Variants in SYNE1 observed in about 807,000 individuals in gnomAD.
SYNE1 encodes spectrin repeat containing nuclear envelope protein 1.
Under a neutral mutation model 1,111.0 loss-of-function variants are expected in SYNE1, and 616 were observed. The observed-to-expected ratio is 0.55, with a 90% confidence interval of 0.52 to 0.59. The LOEUF is 0.59. SYNE1 is among the 20% of genes least tolerant of loss of function. The pLI, the probability that SYNE1 is intolerant of heterozygous loss-of-function variation, is 0.00. For missense variants in SYNE1, 10,006 were observed against 10,417.0 expected (o/e 0.96, Z 1.72); for synonymous variants, 3,855 against 3,825.8 (o/e 1.01, Z -0.28).
rs771840766 is a variant in SYNE1, at chr6:152,318,248, A to T, written c.16405T>A (p.Leu5469Ile). 18 of 1,614,058 alleles carry T rather than the reference A, an allele frequency of 1.1e-5. No individual in the cohort carries two copies. The African/African-American group carries it at 2.4e-4, about 22-fold the overall frequency. Residue 5469 changes from leucine to isoleucine, a missense_variant, in exon 86 of 146, where the codon TTA becomes ATA. Transcript: ENST00000367255. ...KTDQKVLGEELDGCNSKLMEL... is the reference protein window; with the variant it reads ...KTDQKVLGEEIDGCNSKLMEL... Reference sequence around the variant, plus strand: ...ATTAACTTTGAATTACAGCCATCTAATTCCTCTCCCAGCACCTTGATGGTC... The same window carrying T: ...ATTAACTTTGAATTACAGCCATCTATTTCCTCTCCCAGCACCTTGATGGTC...
At chr6:152,371,656 G>A (rs1235124447) in intron 59 of SYNE1, among the ~76,000 whole-genome samples, 3 of 87,640 alleles carry the variant, frequency 3.4e-5, no homozygotes, top group Non-Finnish European at 6.7e-5. Flanking sequence ...AGGGGAAGAG[G>A]AAGGCAGAGA....
At chr6:152,245,989 A>G (rs924023572) in intron 105 of SYNE1, among the ~76,000 whole-genome samples, 7 of 152,138 alleles carry the variant, frequency 4.6e-5, no homozygotes, top group African/African-American at 1.7e-4. Flanking sequence ...GGGGCCCCTG[A>G]GTCTTCTCTC....
At chr6:152,323,392 T>A in intron 82 of SYNE1, 86 bp downstream of exon 82, 9 of 1,578,632 alleles carry the variant, frequency 5.7e-6, no homozygotes, top group Non-Finnish European at 7.7e-6. Flanking sequence ...TGAGCCGAGA[T>A]CACACATTTG....
In SYNE1 at chr6:152,132,145, T is replaced by C; in HGVS notation, c.26071A>G (p.Ser8691Gly). Residue 8691 changes from serine to glycine, a missense_variant, in exon 144 of 146, where the codon AGC becomes GGC. Physicochemically the swap from Ser to Gly is moderately conservative, Grantham distance 56. Transcript: ENST00000367255. ...ACCGTTTTCTGTCTGTTTGGGGTGC[T>C]CCTTCCTGATGTGGGACTCACAGAC... The part of the protein sequence containing the change: ...SGSVSPTSGR[S>G]TPNRQKTPRG... 6.2e-7 allele frequency: 1 copy of C among 1,614,140 alleles called. No individual in the cohort carries two copies. Among genetic ancestry groups the C allele is most frequent in the Non-Finnish European group, 8.5e-7 (1 of 1,179,992 alleles).
intron 145 of SYNE1, chr6:152,127,903 C>T (rs1357368534): frequency 6.6e-6 from 1 of 152,132 alleles, no homozygotes; most frequent in South Asian, 2.1e-4. Context: ...TTTTTTCCCT[C>T]TTTCAGTGTT....
chr6:152,243,473 C>T (rs1472078070), intron 106 of SYNE1, among the ~76,000 whole-genome samples: 1 of 152,168 alleles, frequency 6.6e-6, no homozygotes, highest in African/African-American at 2.4e-5. Flanking sequence ...ACCTGATTAA[C>T]ATATCACATT....
intron 2 of SYNE1, among the ~76,000 whole-genome samples, chr6:152,634,573 T>C (rs1201425909): frequency 6.6e-6 from 1 of 152,228 alleles, no homozygotes; most frequent in Non-Finnish European, 1.5e-5. Context: ...ATATTACTAA[T>C]AAATGTGTGC....
At chr6:152,369,412 T>G (rs2097139547) in intron 60 of SYNE1, 59 bp downstream of exon 60, 1 of 1,612,438 alleles carries the variant, frequency 6.2e-7, no homozygotes, top group East Asian at 2.2e-5. Flanking sequence ...ATCTGTAAGG[T>G]CGACAGAGGA....
At chr6:152,565,607 G>T (rs2099410690) in intron 3 of SYNE1, among the ~76,000 whole-genome samples, 2 of 151,498 alleles carry the variant, frequency 1.3e-5, no homozygotes, top group South Asian at 4.2e-4. Flanking sequence ...AGGGTCAAAG[G>T]TTGCTAAACT....
chr6:152,196,493 G>A (rs957740018), intron 127 of SYNE1, among the ~76,000 whole-genome samples: 8 of 152,064 alleles, frequency 5.3e-5, no homozygotes, highest in Middle Eastern at 3.4e-3. Flanking sequence ...TTAGTCAGCC[G>A]GTGATAGGTC....
chr6:152,345,615 C>G (rs1055566780), intron 73 of SYNE1, among the ~76,000 whole-genome samples: 2 of 151,862 alleles, frequency 1.3e-5, no homozygotes, highest in Non-Finnish European at 2.9e-5. Context: ...TAATGTCACT[C>G]AGAATTTTTT....
chr6:152,158,934 A>G (rs2061879895), intron 131 of SYNE1, among the ~76,000 whole-genome samples: 2 of 152,200 alleles, frequency 1.3e-5, no homozygotes, highest in Non-Finnish European at 2.9e-5. Flanking sequence ...CCTAAGACAA[A>G]GTTTTAGGCT....
At chr6:152,359,160 T>A (rs567944694) in intron 65 of SYNE1, among the ~76,000 whole-genome samples, 155 bp downstream of exon 65, 1 of 152,360 alleles carries the variant, frequency 6.6e-6, no homozygotes, top group East Asian at 1.9e-4. Context: ...AGGTTTTTGA[T>A]TTTGCCAGTA....
At chr6:152,215,303 T>C (rs1347856162) in intron 121 of SYNE1, among the ~76,000 whole-genome samples, 1 of 152,218 alleles carries the variant, frequency 6.6e-6, no homozygotes, top group Non-Finnish European at 1.5e-5. Context: ...CTTTATGGAC[T>C]ACTTAACGTG....
intron 2 of SYNE1, among the ~76,000 whole-genome samples, chr6:152,632,207 C>T (rs2129016736): frequency 6.6e-6 from 1 of 152,242 alleles, no homozygotes; most frequent in South Asian, 2.1e-4. Flanking sequence ...TATCCCTGAC[C>T]ACATCCTAGG....
chr6:152,393,062 G>C (rs182804613), intron 51 of SYNE1, among the ~76,000 whole-genome samples: 1 of 152,190 alleles, frequency 6.6e-6, no homozygotes, highest in South Asian at 2.1e-4. Flanking sequence ...AGGATGGAGA[G>C]AAAGCACCCA....
chr6:152,495,476 C>G (rs1049972390), intron 11 of SYNE1, among the ~76,000 whole-genome samples: 1 of 152,196 alleles, frequency 6.6e-6, no homozygotes, highest in Non-Finnish European at 1.5e-5. Context: ...TTCAAAGAAT[C>G]AATATGTCAG....
At chr6:152,159,301 T>C (rs931945490) in intron 131 of SYNE1, among the ~76,000 whole-genome samples, 10 of 152,318 alleles carry the variant, frequency 6.6e-5, no homozygotes, top group South Asian at 6.2e-4. Context: ...ACTCTGATGA[T>C]TGGCGTTCTA....
intron 125 of SYNE1, 86 bp downstream of exon 125, chr6:152,207,884 CTA>C: frequency 3.2e-6 from 4 of 1,263,518 alleles, no homozygotes; most frequent in Non-Finnish European, 4.6e-6. Flanking sequence ...CAATGTCACT[CTA>C]GAGTCCTTTT....
Sources: allele counts gnomAD v4.1 joint callset (sites outside exome capture counted in the v4.1 genomes callset), GRCh38; gene constraint gnomAD v4.1.1; transcripts MANE v1.5; gene names NCBI Gene and HGNC (gene_info 2026-07-23, HGNC 2026-07-21).